Variants in CHODL observed in about 807,000 individuals in gnomAD.
CHODL encodes chondrolectin.
CHODL carries 29 observed loss-of-function variants against 34.5 expected under a neutral mutation model. That is an observed-to-expected ratio of 0.84 (90% CI 0.63 to 1.15). The LOEUF is 1.15. Among genes scored for constraint, CHODL ranks in the 50% most tolerant of loss-of-function variants. CHODL has a pLI of 0.00. For missense variants in CHODL, 332 were observed against 332.5 expected, an observed-to-expected ratio of 1.00 and a Z score of 0.01; for synonymous variants, 125 against 116.1, an observed-to-expected ratio of 1.08 and a Z score of -0.49.
intron 2 of CHODL, among the ~76,000 whole-genome samples, chr21:18,090,790 G>A (rs902812719): frequency 6.9e-6 from 1 of 145,754 alleles, no homozygotes; most frequent in African/African-American, 2.6e-5. Flanking sequence ...GGCACAGCAA[G>A]ATGGCAGAGT....
At chr21:17,970,765 TGG>T (rs1414080542) in intron 1 of CHODL, among the ~76,000 whole-genome samples, 1 of 152,130 alleles carries the variant, frequency 6.6e-6, no homozygotes, top group Non-Finnish European at 1.5e-5. Flanking sequence ...CTTTAAGTTC[TGG>T]GATACATGTG....
chr21:18,162,782 T>C (rs1265878969), intron 2 of CHODL, among the ~76,000 whole-genome samples: 1 of 152,188 alleles, frequency 6.6e-6, no homozygotes, highest in Non-Finnish European at 1.5e-5. Context: ...ACATATTGTG[T>C]TATTAGTCTT....
At chr21:18,115,323 G>A (rs1373119066) in intron 2 of CHODL, among the ~76,000 whole-genome samples, 5 of 152,146 alleles carry the variant, frequency 3.3e-5, no homozygotes, top group Non-Finnish European at 7.4e-5. Flanking sequence ...TGCCATCAAA[G>A]GCTGCTTATT....
At chr21:18,146,877 C>T (rs577786722) in intron 2 of CHODL, among the ~76,000 whole-genome samples, 9 of 152,270 alleles carry the variant, frequency 5.9e-5, no homozygotes, top group African/African-American at 1.9e-4. Flanking sequence ...TCTAGTGTTT[C>T]TGACTAATGT....
intron 1 of CHODL, among the ~76,000 whole-genome samples, chr21:17,996,860 G>A (rs1300607452): frequency 6.6e-6 from 1 of 152,118 alleles, no homozygotes; most frequent in South Asian, 2.1e-4. Flanking sequence ...TGAGAAACCT[G>A]AAAATTTTAA....
At chr21:18,245,696 C>T (rs1015096753) in intron 1 of CHODL, among the ~76,000 whole-genome samples, 1 of 152,138 alleles carries the variant, frequency 6.6e-6, no homozygotes, top group Non-Finnish European at 1.5e-5. Context: ...GCAGAAATGC[C>T]ACCCTCTGTC....
At chr21:18,223,804 C>T (rs770378880) in intron 2 of CHODL, among the ~76,000 whole-genome samples, 4 of 152,074 alleles carry the variant, frequency 2.6e-5, no homozygotes, top group African/African-American at 4.8e-5. Flanking sequence ...GTTTGTTACT[C>T]GAACCAACGT....
chr21:18,143,937 T>C (rs548396707), intron 2 of CHODL, among the ~76,000 whole-genome samples: 1 of 152,114 alleles, frequency 6.6e-6, no homozygotes, highest in Non-Finnish European at 1.5e-5. Flanking sequence ...TGGGGTACTA[T>C]AATTTCATTA....
intron 2 of CHODL, among the ~76,000 whole-genome samples, chr21:18,237,605 C>T (rs1425562311): frequency 5.9e-5 from 9 of 152,194 alleles, no homozygotes; most frequent in Middle Eastern, 3.4e-3. Context: ...CTCTTCTCTC[C>T]GACCCTTGTC....
chr21:17,967,256 A>T (rs1196738868), intron 1 of CHODL, among the ~76,000 whole-genome samples: 1 of 152,006 alleles, frequency 6.6e-6, no homozygotes, highest in African/African-American at 2.4e-5. Flanking sequence ...CTGATTATTG[A>T]GGTATTTATG....
At chr21:17,979,215 C>A (rs934907778) in intron 1 of CHODL, among the ~76,000 whole-genome samples, 2 of 152,078 alleles carry the variant, frequency 1.3e-5, no homozygotes, top group African/African-American at 4.8e-5. Context: ...GACCATTTTG[C>A]CTACCACAGA....
intron 2 of CHODL, among the ~76,000 whole-genome samples, chr21:18,181,481 C>A (rs900852253): frequency 7.2e-5 from 11 of 152,184 alleles, no homozygotes; most frequent in Non-Finnish European, 1.3e-4. Context: ...CGGCTCACTG[C>A]AAGCTCCGCC....
At chr21:18,188,316 G>T (rs2073468158) in intron 2 of CHODL, among the ~76,000 whole-genome samples, 1 of 151,866 alleles carries the variant, frequency 6.6e-6, no homozygotes, top group Admixed American at 6.6e-5. Flanking sequence ...ATTCATCTCT[G>T]ACTTACACTA....
At chr21:18,081,400 G>A (rs1433414679) in intron 2 of CHODL, among the ~76,000 whole-genome samples, 2 of 152,088 alleles carry the variant, frequency 1.3e-5, no homozygotes, top group Non-Finnish European at 2.9e-5. Flanking sequence ...TGAAAGTGGG[G>A]CTGGGTGCGG....
intron 2 of CHODL, among the ~76,000 whole-genome samples, chr21:18,080,858 C>G (rs537709306): frequency 1.3e-5 from 2 of 152,098 alleles, no homozygotes; most frequent in South Asian, 4.2e-4. Flanking sequence ...GATTTATTCC[C>G]CTAATTCTGT....
At chr21:17,984,883 C>T (rs998718961) in intron 1 of CHODL, among the ~76,000 whole-genome samples, 5 of 152,038 alleles carry the variant, frequency 3.3e-5, no homozygotes, top group African/African-American at 1.2e-4. Context: ...CTTATATTGT[C>T]ACTTATTGGA....
At chr21:17,959,772 T>C (rs2063518759) in intron 1 of CHODL, among the ~76,000 whole-genome samples, 1 of 152,170 alleles carries the variant, frequency 6.6e-6, no homozygotes, top group Non-Finnish European at 1.5e-5. Context: ...AAAATTATTT[T>C]CCTGCATTTC....
At chr21:17,945,796 T>C (rs1223906352) in intron 1 of CHODL, among the ~76,000 whole-genome samples, 1 of 152,056 alleles carries the variant, frequency 6.6e-6, no homozygotes, top group Non-Finnish European at 1.5e-5. Flanking sequence ...TACTAAGACA[T>C]CTAATAATCA....
chr21:18,190,027 C>G lies in CHODL; in HGVS notation c.-44-66482C>G, dbSNP rs568737945. Among the ~76,000 whole-genome samples the G allele has an allele frequency of 2.6e-5, 4 of 152,230 alleles. No homozygotes were observed. The South Asian group carries it at 8.3e-4, about 32-fold the overall frequency. On this transcript the variant is annotated intron_variant, in intron 2 of 6. Transcript: ENST00000400127. ...TCTTCATGGCTGAGCTGCTCCCATA[C>G]CACTGTTGTCAAAAACATTGCAAAA...
Sources: allele counts gnomAD v4.1 joint callset (sites outside exome capture counted in the v4.1 genomes callset), GRCh38; gene constraint gnomAD v4.1.1; transcripts MANE v1.5; gene names NCBI Gene and HGNC (gene_info 2026-07-23, HGNC 2026-07-21).